The following WDFY4 variants were observed in gnomAD, a reference collection of about 807,000 sequenced individuals.
The protein encoded by WDFY4 is WD repeat- and FYVE domain-containing protein 4.
In WDFY4, 169 loss-of-function variants were observed where a neutral mutation model predicts 351.9. That is an observed-to-expected ratio of 0.48 (90% confidence interval 0.42 to 0.55). WDFY4 has a LOEUF of 0.55. Ranked by LOEUF, WDFY4 falls within the 20% of genes least tolerant of loss-of-function variation. The pLI is 0.00. For synonymous variants in WDFY4, 1,622 were observed against 1,574.6 expected, an observed-to-expected ratio of 1.03 and a Z score of -0.71; for missense variants, 3,803 against 3,935.6, an observed-to-expected ratio of 0.97 and a Z score of 0.90.
chr10:48,820,333 C>T lies in WDFY4; in HGVS notation c.5605C>T (p.Pro1869Ser). 1 of 1,551,632 alleles carries T rather than the reference C, an allele frequency of 6.4e-7. No homozygotes were observed. Among genetic ancestry groups the T allele is most frequent in the Non-Finnish European group, 8.7e-7 (1 of 1,146,992 alleles). ...TCTCCAGGCTCCCACCAAGGCACAT[C>T]CCGCCCGGAGGAAGCTGAGGGAGTT... ...EGLQAPTKAH[P>S]ARRKLREFTQ... The change falls in exon 33 of 62, where the codon CCC becomes TCC. Residue 1869 changes from proline (P) to serine (S), a missense_variant. This residue lies in a region of WDFY4 where 3,054 missense variants were observed against 3,148.6 expected (regional missense o/e 0.97). Coordinates refer to ENST00000325239, the MANE Select transcript of WDFY4 (RefSeq NM_001394531.1).
At chr10:48,796,154 G>A (rs2066867759) in intron 23 of WDFY4, 144 bp from the exon 24 acceptor site, 1 of 967,766 alleles carries the variant, frequency 1.0e-6, no homozygotes, top group East Asian at 2.7e-5. Context: ...AGAAGTTGAT[G>A]TGTATTTTTC....
chr10:48,720,293 T>G (rs1482354294), intron 3 of WDFY4, among the ~76,000 whole-genome samples, 168 bp downstream of exon 3: 1 of 152,056 alleles, frequency 6.6e-6, no homozygotes, highest in African/African-American at 2.4e-5. Flanking sequence ...CCAAGGGAAA[T>G]GCAGGAGGAG....
At chr10:48,888,452 C>T (rs1462883093) in intron 43 of WDFY4, among the ~76,000 whole-genome samples, 1 of 152,090 alleles carries the variant, frequency 6.6e-6, no homozygotes, top group Non-Finnish European at 1.5e-5. Context: ...TGCCATCCAT[C>T]CCAGACCACT....
intron 20 of WDFY4, 123 bp from the exon 21 acceptor site, chr10:48,788,407 G>A (rs143122235): frequency 4.7e-5 from 57 of 1,210,520 alleles, no homozygotes; most frequent in Non-Finnish European, 5.9e-5. Flanking sequence ...CATGCAATGT[G>A]ACAACATACA....
At chr10:48,937,973 C>T (rs1840496534) in intron 47 of WDFY4, among the ~76,000 whole-genome samples, 1 of 152,236 alleles carries the variant, frequency 6.6e-6, no homozygotes, top group African/African-American at 2.4e-5. Context: ...ACATTCCCTA[C>T]CCAGGAAGCC....
chr10:48,939,973 T>G (rs995065049), intron 47 of WDFY4, among the ~76,000 whole-genome samples: 3 of 152,254 alleles, frequency 2.0e-5, no homozygotes, highest in African/African-American at 7.2e-5. Context: ...TCTCATTTCC[T>G]GGATCCTAAC....
rs948801723 is a variant in WDFY4, at chr10:48,969,257, G to A, written c.8769+9G>A. 7 of 1,550,654 alleles carry A rather than the reference G, an allele frequency of 4.5e-6. No individual in the cohort carries two copies. The highest frequency in any genetic ancestry group is 1.4e-5 in the African/African-American group (1 of 73,034). ...GCTACGGCTCCGACAAGGTGAGGGG[G>A]CTGCAGGGAGCAGGGGCAGCCTCAG... On this transcript the variant is annotated intron_variant, in intron 56 of 61. Transcript: ENST00000325239.
intron 52 of WDFY4, 42 bp downstream of exon 52, chr10:48,957,324 G>A: frequency 6.5e-7 from 1 of 1,537,552 alleles, no homozygotes; most frequent in East Asian, 2.5e-5. Flanking sequence ...GGCGTTGCAG[G>A]GTGCTCTTTC....
chr10:48,913,127 C>T (rs1410623310), intron 47 of WDFY4, among the ~76,000 whole-genome samples: 2 of 152,234 alleles, frequency 1.3e-5, no homozygotes, highest in African/African-American at 2.4e-5. Flanking sequence ...GTAGGATGGA[C>T]ATGGACAGGC....
intron 10 of WDFY4, among the ~76,000 whole-genome samples, chr10:48,734,351 AT>A (rs907780523): frequency 3.3e-5 from 5 of 151,378 alleles, no homozygotes; most frequent in African/African-American, 4.9e-5. Flanking sequence ...ATGCTTTTTA[AT>A]TTTTTTTTAG....
intron 47 of WDFY4, among the ~76,000 whole-genome samples, chr10:48,911,689 A>C (rs1224859971): frequency 6.6e-6 from 1 of 152,256 alleles, no homozygotes; most frequent in East Asian, 1.9e-4. Context: ...ACAGAAAAAT[A>C]ACTAGTAAGG....
intron 1 of WDFY4, among the ~76,000 whole-genome samples, chr10:48,687,611 C>CTTT (rs57413418): frequency 1.4e-3 from 139 of 101,288 alleles, no homozygotes; most frequent in Non-Finnish European, 1.9e-3. Context: ...ATAGGCCATT[C>CTTT]TTTTTTTTTT....
rs771770581 is a variant in WDFY4 at position 48,771,726 on chromosome 10, G to A, written c.2554-2732G>A. On this transcript the variant is annotated intron_variant, in intron 13 of 61. Transcript: ENST00000325239. ...GTGCTGGGACAATGTGTCTGCCCAC[G>A]TGTATCACCTTTAATCTGTGAATCC... is the stretch of plus-strand genomic sequence containing the variant. Among the ~76,000 whole-genome samples, 21 of 152,220 alleles carry A rather than the reference G, an allele frequency of 1.4e-4. No homozygotes were observed. In the East Asian group the frequency reaches 1.5e-3, roughly 11 times the overall value.
At position 48,777,515 on chromosome 10, in the gene WDFY4, G is replaced by A. The variant is rs2066072918; in HGVS notation, c.3175+20G>A. 2 of 1,548,664 alleles carry A rather than the reference G, an allele frequency of 1.3e-6. No homozygotes were observed. Among genetic ancestry groups the A allele is most frequent in the Non-Finnish European group, 8.7e-7 (1 of 1,144,180 alleles). Reference sequence around the variant, plus strand: ...GGACAGGTAGGTGTTTTTCCCAGATGGTTTAGCTCTCCATCCCTTCCAAAG... The same window carrying A: ...GGACAGGTAGGTGTTTTTCCCAGATAGTTTAGCTCTCCATCCCTTCCAAAG... On this transcript the variant is annotated intron_variant, in intron 17 of 61. Transcript: ENST00000325239.
chr10:48,888,915 A>G (rs566551315), intron 43 of WDFY4, among the ~76,000 whole-genome samples: 1 of 152,266 alleles, frequency 6.6e-6, no homozygotes, highest in South Asian at 2.1e-4. Context: ...AGGTTGTAAT[A>G]GTTGGTTGGT....
intron 47 of WDFY4, among the ~76,000 whole-genome samples, chr10:48,922,178 G>A (rs542539867): frequency 1.3e-5 from 2 of 152,142 alleles, no homozygotes; most frequent in Non-Finnish European, 2.9e-5. Context: ...GAAAACCCCA[G>A]AAATAAGAAA....
At chr10:48,848,203 C>T (rs1314228362) in intron 39 of WDFY4, among the ~76,000 whole-genome samples, 1 of 152,204 alleles carries the variant, frequency 6.6e-6, no homozygotes, top group Non-Finnish European at 1.5e-5. Context: ...TCCTCAAGGG[C>T]AGCCAGCATT....
Position 48,946,032 on chromosome 10 carries a change from C to A in WDFY4, c.7750-8C>A. ...GGAGTTAACTCCAGCTGCACATCTG[C>A]CTTCTAGACATTGAACTTGGCAAAT... On this transcript the variant is annotated splice_polypyrimidine_tract_variant and splice_region_variant and intron_variant, in intron 49 of 61. Coordinates refer to ENST00000325239, the MANE Select transcript of WDFY4 (RefSeq NM_001394531.1). 1 of 1,532,792 alleles carries A rather than the reference C, an allele frequency of 6.5e-7. No individual in the cohort carries two copies. Among genetic ancestry groups the A allele is most frequent in the Non-Finnish European group, 8.8e-7 (1 of 1,139,704 alleles). 94.9% of individuals were successfully genotyped at this position (1,532,792 alleles called of 1,614,324 possible). A position where few individuals can be genotyped will look rare whatever the true frequency, so the allele number is the denominator to read the frequency against.
At chr10:48,686,020 G>A (rs564336004) in intron 1 of WDFY4, among the ~76,000 whole-genome samples, 3 of 152,156 alleles carry the variant, frequency 2.0e-5, no homozygotes, top group South Asian at 4.2e-4. Flanking sequence ...TCTGGAGGAG[G>A]AGACCTCGTG....
Sources: allele counts gnomAD v4.1 joint callset (sites outside exome capture counted in the v4.1 genomes callset), GRCh38; gene constraint gnomAD v4.1.1; regional missense constraint gnomAD v4.1.1; transcripts MANE v1.5; gene names NCBI Gene and HGNC (gene_info 2026-07-23, HGNC 2026-07-21).